IQGAP2: variants seen among roughly 807,000 people sequenced by gnomAD.
The protein encoded by IQGAP2 is ras GTPase-activating-like protein IQGAP2.
A neutral mutation model predicts 201.3 loss-of-function variants in IQGAP2; 173 were observed. The observed-to-expected ratio is 0.86, with a 90% CI of 0.76 to 0.98. IQGAP2 has a LOEUF of 0.98. IQGAP2 is among the 50% of genes least tolerant of loss of function. The pLI is 0.00. For missense variants in IQGAP2, 1,687 were observed against 1,864.8 expected (o/e 0.90, Z 1.76); for synonymous variants, 675 against 673.9 (o/e 1.00, Z -0.03).
chr5:76,486,420 T>G (rs1391609515), intron 2 of IQGAP2, among the ~76,000 whole-genome samples: 1 of 152,200 alleles, frequency 6.6e-6, no homozygotes, highest in African/African-American at 2.4e-5. Flanking sequence ...ATTATAATGT[T>G]AGTGATGTTT....
intron 2 of IQGAP2, among the ~76,000 whole-genome samples, chr5:76,483,598 T>G (rs183901361): frequency 1.3e-5 from 2 of 152,310 alleles, no homozygotes; most frequent in Admixed American, 1.3e-4. Context: ...ACTGGGTGTT[T>G]TCGAGTCAAG....
At position 76,553,858 on chromosome 5, in the gene IQGAP2, A is replaced by G. The variant is rs376578794; in HGVS notation, c.147-8538A>G. On this transcript the variant is annotated intron_variant, in intron 2 of 35. Transcript: ENST00000274364. ...AGAATGGGGAAGAAGCAGTGAATGC[A>G]AGGACAGTGTTGGTGGGGAAGGGGG... Among the ~76,000 whole-genome samples, 25 of 152,346 alleles carry G rather than the reference A, an allele frequency of 1.6e-4. No individual in the cohort carries two copies. The South Asian group carries it at 5.0e-3, about 30-fold the overall frequency.
intron 22 of IQGAP2, among the ~76,000 whole-genome samples, chr5:76,665,457 G>A (rs890919633): frequency 1.2e-4 from 18 of 152,140 alleles, no homozygotes; most frequent in African/African-American, 3.6e-4. Flanking sequence ...GTTTTGAAAC[G>A]CAGGCAGTTT....
At chr5:76,507,978 G>A (rs7721561) in intron 2 of IQGAP2, among the ~76,000 whole-genome samples, 30,719 of 144,246 alleles carry the variant, frequency 0.21, 3,670 homozygotes, top group African/African-American at 0.32. Flanking sequence ...ACCCCAGCCT[G>A]GGTGATAGAG....
At chr5:76,558,333 T>G (rs1413295885) in intron 2 of IQGAP2, among the ~76,000 whole-genome samples, 1 of 152,224 alleles carries the variant, frequency 6.6e-6, no homozygotes, top group Non-Finnish European at 1.5e-5. Flanking sequence ...ATTTCCAGGT[T>G]GTTATAAAGC....
intron 1 of IQGAP2, among the ~76,000 whole-genome samples, chr5:76,413,994 T>C (rs1368290239): frequency 2.6e-5 from 4 of 152,160 alleles, no homozygotes; most frequent in Admixed American, 2.0e-4. Flanking sequence ...TCTACAAAGT[T>C]AATGAAATTT....
chr5:76,613,043 G>A (rs909908950), intron 13 of IQGAP2, among the ~76,000 whole-genome samples: 3 of 152,176 alleles, frequency 2.0e-5, no homozygotes, highest in East Asian at 1.9e-4. Context: ...CAACAGGAAC[G>A]GCAGTGGCAT....
intron 2 of IQGAP2, among the ~76,000 whole-genome samples, chr5:76,552,196 G>A (rs775018992): frequency 2.0e-5 from 3 of 152,180 alleles, no homozygotes; most frequent in Non-Finnish European, 4.4e-5. Flanking sequence ...CTGCTGTTGT[G>A]TCCTGTCTCT....
Position 76,631,838 on chromosome 5 carries a change from AC to A in IQGAP2, c.1613-20del. The A allele has an allele frequency of 6.5e-7, 1 of 1,533,548 alleles. No homozygotes were observed. The highest frequency in any genetic ancestry group is 8.8e-7 in the Non-Finnish European group (1 of 1,136,590). 95.0% of individuals were successfully genotyped at this position (1,533,548 alleles called of 1,614,324 possible). A position where few individuals can be genotyped will look rare whatever the true frequency, so the allele number is the denominator to read the frequency against. Reference sequence around the variant, plus strand: ...AGTGGAAGATAACCATTAACAAGAAACTTTTTTTTCAATTACCCAGGGGTTA... The same window carrying A: ...AGTGGAAGATAACCATTAACAAGAAATTTTTTTTCAATTACCCAGGGGTTA... On this transcript the variant is annotated intron_variant, in intron 14 of 35. Transcript: ENST00000274364.
chr5:76,656,902 A>G (rs1742789437), intron 20 of IQGAP2, among the ~76,000 whole-genome samples: 1 of 152,154 alleles, frequency 6.6e-6, no homozygotes, highest in Non-Finnish European at 1.5e-5. Flanking sequence ...AATTTAAAAA[A>G]AAAAATAACT....
At chr5:76,566,973 G>A (rs1744795152) in intron 3 of IQGAP2, among the ~76,000 whole-genome samples, 1 of 152,054 alleles carries the variant, frequency 6.6e-6, no homozygotes, top group African/African-American at 2.4e-5. Context: ...GGAATGGACA[G>A]AAGGGCCTTC....
chr5:76,668,941 TAA>T (rs921228517), intron 23 of IQGAP2, 97 bp downstream of exon 23: 8 of 702,330 alleles, frequency 1.1e-5, no homozygotes, highest in Non-Finnish European at 1.6e-5. Flanking sequence ...TAAATTCTTA[TAA>T]GTTATTCCCA....
intron 13 of IQGAP2, among the ~76,000 whole-genome samples, chr5:76,619,678 G>A (rs1749424400): frequency 6.6e-6 from 1 of 151,986 alleles, no homozygotes; most frequent in African/African-American, 2.4e-5. Flanking sequence ...CACCAGGCCT[G>A]GCTAATTTTT....
chr5:76,535,411 C>CA (rs1477331732), intron 2 of IQGAP2, among the ~76,000 whole-genome samples: 2 of 152,064 alleles, frequency 1.3e-5, no homozygotes, highest in Non-Finnish European at 2.9e-5. Flanking sequence ...GCCCATGTCA[C>CA]AAAAAAATTT....
intron 2 of IQGAP2, among the ~76,000 whole-genome samples, chr5:76,482,824 T>G (rs1400131603): frequency 1.3e-5 from 2 of 152,220 alleles, no homozygotes; most frequent in African/African-American, 4.8e-5. Flanking sequence ...TCTCAAACAA[T>G]GTATGAACCA....
intron 21 of IQGAP2, among the ~76,000 whole-genome samples, chr5:76,664,378 A>G (rs1279257715): frequency 1.3e-5 from 2 of 152,216 alleles, no homozygotes; most frequent in Admixed American, 6.5e-5. Flanking sequence ...AACAATTACA[A>G]TAGTAACATC....
intron 1 of IQGAP2, among the ~76,000 whole-genome samples, chr5:76,416,175 G>A (rs140611299): frequency 2.2e-4 from 33 of 152,242 alleles, no homozygotes; most frequent in African/African-American, 7.9e-4. Flanking sequence ...TTTACATAGG[G>A]TTTATGACCA....
chr5:76,464,676 T>C (rs1265350507), intron 2 of IQGAP2, among the ~76,000 whole-genome samples: 1 of 152,200 alleles, frequency 6.6e-6, no homozygotes, highest in Non-Finnish European at 1.5e-5. Flanking sequence ...TATTTTGGTT[T>C]TATTAATTTC....
chr5:76,618,371 A>G, intron 13 of IQGAP2: 3 of 1,614,232 alleles, frequency 1.9e-6, no homozygotes, highest in Non-Finnish European at 2.5e-6. Flanking sequence ...GGGTCACAGC[A>G]TTGGCCGGGA....
Sources: allele counts gnomAD v4.1 joint callset (sites outside exome capture counted in the v4.1 genomes callset), GRCh38; gene constraint gnomAD v4.1.1; transcripts MANE v1.5; gene names NCBI Gene and HGNC (gene_info 2026-07-23, HGNC 2026-07-21).